The following GTPBP1 variants were observed in gnomAD, a reference collection of about 807,000 sequenced individuals.
GTPBP1 encodes GTP-binding protein 1.
In GTPBP1, 23 loss-of-function variants were observed where a neutral mutation model predicts 62.0. The ratio of observed to expected loss-of-function variants is 0.37; its 90% CI spans 0.27 to 0.53. GTPBP1 has a LOEUF of 0.53. GTPBP1 is among the 20% of genes least tolerant of loss of function. The probability of loss-of-function intolerance (pLI) is 0.89; values close to 1 mark genes in which losing one functional copy is unlikely to be tolerated. For synonymous variants in GTPBP1, 344 were observed against 364.4 expected (o/e 0.94, Z 0.64); for missense variants, 640 against 917.3 (o/e 0.70, Z 3.90).
chr22:38,723,138 G>A (rs557190778), intron 5 of GTPBP1: 331 of 798,766 alleles, frequency 4.1e-4, no homozygotes, highest in Non-Finnish European at 6.6e-4. Context: ...TTCACATCAT[G>A]AAATTCCTTA....
At chr22:38,741,471 C>T (rs745732967), downstream of GTPBP1, 1 of 1,612,778 alleles carries the variant, frequency 6.2e-7, no homozygotes, top group South Asian at 1.1e-5. Flanking sequence ...GTCACAGGCC[C>T]TGAGTGCCGC....
At chr22:38,738,866 T>A (rs374667255), downstream of GTPBP1, 38 of 1,600,084 alleles carry the variant, frequency 2.4e-5, no homozygotes, top group Non-Finnish European at 3.2e-5. This position sits in a 1 kb window ranked among gnomAD's most constrained non-coding sequence, Gnocchi z 6.6. Flanking sequence ...GCTTGCCAGG[T>A]GCCCACCTGG....
chr22:38,738,241 CCTG>C (rs1448400074), downstream of GTPBP1: 1 of 1,613,796 alleles, frequency 6.2e-7, no homozygotes, highest in Non-Finnish European at 8.5e-7. The surrounding 1 kb of genome is among the most constrained non-coding windows in gnomAD (Gnocchi z 6.6). Flanking sequence ...AGTGTCCCCT[CCTG>C]CTGCAGGTCT....
In GTPBP1 at chr22:38,705,978, C is replaced by A; in HGVS notation, c.23C>A (p.Ser8Tyr). MATERSR[S>Y]AMDSPVPASM... ...AAGATGGCGACGGAGCGCAGTCGCTCCGCGATGGACTCGCCGGTCCCGGCC... is the reference window on the plus strand; with the variant it reads ...AAGATGGCGACGGAGCGCAGTCGCTACGCGATGGACTCGCCGGTCCCGGCC... The change falls in exon 1 of 12, where the codon TCC (serine) becomes TAC (tyrosine). Residue 8 changes from serine to tyrosine, a missense_variant. By Grantham distance (144) the Ser-to-Tyr change is moderately radical (BLOSUM62 -2). Coordinates refer to ENST00000216044, the MANE Select transcript of GTPBP1 (RefSeq NM_004286.5). 6.9e-7 allele frequency: 1 copy of A among 1,448,874 alleles called. No homozygotes were observed. The highest frequency in any genetic ancestry group is 9.1e-7 in the Non-Finnish European group (1 of 1,098,640). 89.8% of individuals were successfully genotyped at this position (1,448,874 alleles called of 1,614,324 possible).
At position 38,728,009 on chromosome 22, in the gene GTPBP1, G is replaced by A; in HGVS notation, c.1564G>A (p.Ala522Thr). 6.2e-7 allele frequency: 1 copy of A among 1,614,020 alleles called. No individual in the cohort carries two copies. Among genetic ancestry groups the A allele is most frequent in the Middle Eastern group, 1.6e-4 (1 of 6,062 alleles). The change falls in exon 10 of 12, where the codon GCC becomes ACC. Residue 522 changes from alanine to threonine, a missense_variant. Ala to Thr is a moderately conservative substitution (Grantham distance 58). Transcript: ENST00000216044. ...GCACTGTGGGAGCATCAGGCAGACA[G>A]CCACCATTCTGAGCATGGACAAGGA... ...MVHCGSIRQT[A>T]TILSMDKDCL...
chr22:38,723,469 C>T (rs2092711441), intron 5 of GTPBP1: 6 of 1,001,410 alleles, frequency 6.0e-6, no homozygotes, highest in African/African-American at 3.2e-5. Flanking sequence ...GTCGGGCAGC[C>T]GATGCTCAGA....
intron 10 of GTPBP1, chr22:38,728,509 G>T: frequency 3.4e-6 from 1 of 294,704 alleles, no homozygotes; most frequent in Non-Finnish European, 6.7e-6. Context: ...CAGAGCAGAG[G>T]TCTGGTTGGA....
chr22:38,715,886 T>C (rs1369915272), intron 2 of GTPBP1, 21 bp from the exon 3 acceptor site: 2 of 1,589,102 alleles, frequency 1.3e-6, no homozygotes, highest in Non-Finnish European at 1.7e-6. Flanking sequence ...CTCCTGCTGA[T>C]GTCTGGGCTC....
downstream of GTPBP1, chr22:38,736,584 G>A (rs2092807338): frequency 2.3e-6 from 1 of 439,082 alleles, no homozygotes; most frequent in Non-Finnish European, 4.1e-6. Context: ...GGGGCCACCT[G>A]TAGCACACTT....
downstream of GTPBP1, chr22:38,738,647 C>T (rs1369246450): frequency 1.1e-5 from 17 of 1,614,038 alleles, no homozygotes; most frequent in Non-Finnish European, 1.4e-5. This position sits in a 1 kb window ranked among gnomAD's most constrained non-coding sequence, Gnocchi z 6.6. Context: ...AGGCCTTGGG[C>T]ACATGCTCTA....
At chr22:38,742,441 G>T, downstream of GTPBP1, 1 of 1,613,568 alleles carries the variant, frequency 6.2e-7, no homozygotes, top group Non-Finnish European at 8.5e-7. Context: ...CCTTGCCGCA[G>T]CTCCAGACGT....
rs535886763 is a variant in GTPBP1, at chr22:38,720,573, C to CA, written c.835-1169_835-1168insA. 8.6e-3 allele frequency among the ~76,000 whole-genome samples: 1,303 copies of CA among 151,628 alleles called. 14 individuals are homozygous for CA. The highest frequency in any genetic ancestry group is 0.012 in the Non-Finnish European group (813 of 67,854). On this transcript the variant is annotated intron_variant, in intron 4 of 11. Coordinates refer to ENST00000216044, the MANE Select transcript of GTPBP1 (RefSeq NM_004286.5). The stretch of plus-strand genomic sequence containing the variant: ...ATGATAGCATTCTATATGCAACTTA[C>CA]TTTTTTTTTCCCCTTAAAAGCATAT...
intron 5 of GTPBP1, chr22:38,722,722 G>A: frequency 1.2e-6 from 2 of 1,601,756 alleles, no homozygotes; most frequent in Middle Eastern, 2.2e-4. Flanking sequence ...GTGAGAAGGT[G>A]CAGATACACA....
chr22:38,742,198 G>A (rs1340326588), downstream of GTPBP1: 2 of 1,409,052 alleles, frequency 1.4e-6, no homozygotes, highest in Non-Finnish European at 1.9e-6. Flanking sequence ...AAATGGCAGA[G>A]CTGTCTGATC....
chr22:38,739,624 C>T, downstream of GTPBP1: 2 of 1,461,070 alleles, frequency 1.4e-6, no homozygotes, highest in Non-Finnish European at 1.9e-6. The surrounding 1 kb of genome is among the most constrained non-coding windows in gnomAD (Gnocchi z 6.7). Flanking sequence ...GCACTTCCAT[C>T]CTGGAACCTG....
intron 4 of GTPBP1, among the ~76,000 whole-genome samples, chr22:38,719,992 G>A (rs568074301): frequency 2.7e-5 from 4 of 145,550 alleles, no homozygotes; most frequent in South Asian, 2.2e-4. Context: ...GCAGTGGCGC[G>A]ATCTCAGCTC....
rs778440430 is a variant in GTPBP1, at chr22:38,708,907, G to A, written c.255G>A (p.Arg85=). The part of the protein sequence containing the change: ...YDSLLRQMWE[R]MDEGCGETIY... ...GCCTACTTCGGCAGATGTGGGAGAG[G>A]ATGGACGAGGGATGCGGAGAGACCA... The change falls in exon 2 of 12, where the codon AGG becomes AGA. Residue 85 remains arginine, a synonymous_variant. Transcript: ENST00000216044. 3.1e-5 allele frequency: 50 copies of A among 1,611,162 alleles called. No individual in the cohort carries two copies. Among genetic ancestry groups the A allele is most frequent in the Non-Finnish European group, 3.9e-5 (46 of 1,177,338 alleles).
At chr22:38,736,630 T>A (rs1355822065), downstream of GTPBP1, 1 of 355,502 alleles carries the variant, frequency 2.8e-6, no homozygotes, top group African/African-American at 2.1e-5. Flanking sequence ...CACAATCGTT[T>A]TTTTATTGTG....
chr22:38,729,435 C>A, intron 10 of GTPBP1, 27 bp from the exon 11 acceptor site: 1 of 1,557,018 alleles, frequency 6.4e-7, no homozygotes, highest in Non-Finnish European at 8.7e-7. Context: ...CAGCTCCAGC[C>A]TCAGCCTCTC....
Sources: gnomAD v4.1 joint callset for allele counts (sites outside exome capture counted in the v4.1 genomes callset) on GRCh38, gnomAD v4.1.1 for gene constraint, Gnocchi (gnomAD v3.1) non-coding constraint, MANE v1.5 for transcripts, NCBI Gene and HGNC (gene_info 2026-07-23, HGNC 2026-07-21) for gene names.